The following BLTP3B variants were observed in gnomAD, a reference collection of about 807,000 sequenced individuals.
BLTP3B encodes UHRF1 (ICBP90) binding protein 1-like.
the BLTP3B span, among the ~76,000 whole-genome samples, chr12:100,136,017 C>G: frequency 6.6e-6 from 1 of 152,138 alleles, no homozygotes; most frequent in East Asian, 1.9e-4. Flanking sequence ...TCGAGAACAG[C>G]CTGGCCAACA....
At chr12:100,131,032 AGAAAGAG>A in the BLTP3B span, among the ~76,000 whole-genome samples, 1 of 123,004 alleles carries the variant, frequency 8.1e-6, no homozygotes, top group Non-Finnish European at 1.7e-5. Context: ...AGAGAGAGAG[AGAAAGAG>A]TTTTTTGCCA....
chr12:100,086,789 C>G, the BLTP3B span, among the ~76,000 whole-genome samples: 10 of 152,326 alleles, frequency 6.6e-5, no homozygotes, highest in South Asian at 8.3e-4. Context: ...CAAGGACATA[C>G]AGCTAGTTAA....
At chr12:100,117,108 T>C in the BLTP3B span, among the ~76,000 whole-genome samples, 2 of 152,190 alleles carry the variant, frequency 1.3e-5, no homozygotes, top group Non-Finnish European at 2.9e-5. Flanking sequence ...TAGAGAAATC[T>C]TCCTGGCAGA....
chr12:100,086,215 A>G, the BLTP3B span: 3 of 1,093,992 alleles, frequency 2.7e-6, no homozygotes, highest in Non-Finnish European at 3.8e-6. Flanking sequence ...TAAACTAAAT[A>G]AATTAGCTAT....
chr12:100,040,141 A>T, the BLTP3B span, among the ~76,000 whole-genome samples: 2 of 152,202 alleles, frequency 1.3e-5, no homozygotes, highest in East Asian at 3.8e-4. Flanking sequence ...AGAAAAAGAA[A>T]TTACTAGAAT....
At chr12:100,092,954 T>C in the BLTP3B span, 1 of 985,386 alleles carries the variant, frequency 1.0e-6, no homozygotes, top group African/African-American at 1.7e-5. Context: ...TGGCTAACGG[T>C]ACTACCAACT....
At chr12:100,104,029 T>C in the BLTP3B span, 1 of 1,083,144 alleles carries the variant, frequency 9.2e-7, no homozygotes, top group African/African-American at 1.6e-5. Context: ...ACAGGTGTTA[T>C]ATTAATATAG....
At chr12:100,126,659 A>G in the BLTP3B span, among the ~76,000 whole-genome samples, 1 of 152,186 alleles carries the variant, frequency 6.6e-6, no homozygotes, top group Non-Finnish European at 1.5e-5. Context: ...GATTTTTAGC[A>G]AGAAATTAAA....
the BLTP3B span, among the ~76,000 whole-genome samples, chr12:100,106,028 T>C: frequency 6.6e-6 from 1 of 152,184 alleles, no homozygotes; most frequent in Non-Finnish European, 1.5e-5. Context: ...CCAGCCAGAA[T>C]GGCCATTACT....
At chr12:100,059,928 G>T in the BLTP3B span, 1 of 1,613,046 alleles carries the variant, frequency 6.2e-7, no homozygotes, top group South Asian at 1.1e-5. Flanking sequence ...ACACAGCCAT[G>T]AACTGATTAA....
the BLTP3B span, chr12:100,095,690 T>G: frequency 6.2e-7 from 1 of 1,613,130 alleles, no homozygotes. Context: ...GGAGCCATAC[T>G]CTTCCTTTGT....
chr12:100,114,920 A>T, the BLTP3B span, among the ~76,000 whole-genome samples: 1 of 152,090 alleles, frequency 6.6e-6, no homozygotes, highest in African/African-American at 2.4e-5. Flanking sequence ...TTAATACAAC[A>T]CTTCATTATT....
chr12:100,126,223 G>A, the BLTP3B span, among the ~76,000 whole-genome samples: 6 of 152,310 alleles, frequency 3.9e-5, no homozygotes, highest in Middle Eastern at 6.8e-3. Flanking sequence ...ACATTTCAGA[G>A]GCGGCAGCAG....
the BLTP3B span, among the ~76,000 whole-genome samples, chr12:100,122,335 A>G: frequency 0.28 from 42,979 of 152,080 alleles, 8,917 homozygotes; most frequent in African/African-American, 0.59. Context: ...AGTAGAGAAT[A>G]TGAAGCCTAG....
chr12:100,091,823 T>G, the BLTP3B span, among the ~76,000 whole-genome samples: 1 of 151,468 alleles, frequency 6.6e-6, no homozygotes. Flanking sequence ...TTTTTTTTTT[T>G]TAGACAGAGT....
At chr12:100,103,959 T>C in the BLTP3B span, 9 of 1,597,052 alleles carry the variant, frequency 5.6e-6, no homozygotes, top group Admixed American at 1.4e-4. Flanking sequence ...GATCTACAAA[T>C]GAAAAATTTT....
chr12:100,104,929 A>G, the BLTP3B span, among the ~76,000 whole-genome samples: 2 of 151,510 alleles, frequency 1.3e-5, no homozygotes, highest in African/African-American at 4.8e-5. Context: ...GAATATACCT[A>G]ACCAAGGAGT....
At chr12:100,108,604 T>G in the BLTP3B span, 6 of 1,441,462 alleles carry the variant, frequency 4.2e-6, no homozygotes, top group Non-Finnish European at 5.6e-6. Flanking sequence ...TACTCCAGAG[T>G]CATTTTTTCA....
At chr12:100,041,429 CTTTTTTTTT>C in the BLTP3B span, among the ~76,000 whole-genome samples, 1 of 101,796 alleles carries the variant, frequency 9.8e-6, no homozygotes, top group South Asian at 3.2e-4. Flanking sequence ...GCTATTGTTA[CTTTTTTTTT>C]TTTTTTTTTT....
Sources: allele counts gnomAD v4.1 joint callset (sites outside exome capture counted in the v4.1 genomes callset), GRCh38; gene constraint gnomAD v4.1.1; transcripts MANE v1.5; gene names NCBI Gene and HGNC (gene_info 2026-07-23, HGNC 2026-07-21).